The following ANK2 variants were observed in gnomAD, a reference collection of about 807,000 sequenced individuals.
The protein encoded by ANK2 is ankyrin 2.
ANK2 carries 83 observed loss-of-function variants against 360.5 expected under a neutral mutation model. The observed-to-expected ratio is 0.23, with a 90% CI of 0.19 to 0.28. ANK2 has a LOEUF of 0.28. Ranked by LOEUF, ANK2 falls within the 10% of genes least tolerant of loss-of-function variation. The pLI is 1.00. For synonymous variants in ANK2, 1,740 were observed against 1,759.5 expected (o/e 0.99, Z 0.28); for missense variants, 4,201 against 4,795.7 (o/e 0.88, Z 3.66).
intron 1 of ANK2, among the ~76,000 whole-genome samples, chr4:112,893,643 A>G (rs112703734): frequency 0.028 from 4,195 of 152,238 alleles, 188 homozygotes; most frequent in African/African-American, 0.092. Flanking sequence ...TGGTCTTGCA[A>G]GATTCTTCTC....
At chr4:113,240,604 TCA>T (rs1240135754) in intron 8 of ANK2, 21 bp downstream of exon 8, 1 of 1,562,242 alleles carries the variant, frequency 6.4e-7, no homozygotes, top group African/African-American at 1.4e-5. Flanking sequence ...AAATAGTTTC[TCA>T]TTCTAGATAG....
intron 1 of ANK2, among the ~76,000 whole-genome samples, chr4:113,064,388 G>A (rs1194794117): frequency 3.3e-5 from 5 of 152,126 alleles, no homozygotes; most frequent in Admixed American, 3.3e-4. Context: ...CCATACGCAG[G>A]TGCCAATTGT....
chr4:112,725,449 CTCCCGGGTTCACGCGAT>C, the ANK2 span, among the ~76,000 whole-genome samples: 1 of 146,856 alleles, frequency 6.8e-6, no homozygotes, highest in South Asian at 2.3e-4. Flanking sequence ...CAACCTCTGC[CTCCCGGGTTCACGCGAT>C]TCTCCTGCCT....
chr4:112,910,790 A>G (rs925345021), intron 2 of ANK2, among the ~76,000 whole-genome samples: 1 of 152,234 alleles, frequency 6.6e-6, no homozygotes, highest in African/African-American at 2.4e-5. Context: ...ACAACTATTA[A>G]GAGATTTTAG....
chr4:113,140,223 G>T (rs1396304658), intron 1 of ANK2, among the ~76,000 whole-genome samples: 1 of 152,166 alleles, frequency 6.6e-6, no homozygotes, highest in Admixed American at 6.6e-5. Flanking sequence ...AGGAGAACTT[G>T]TCCTTGGATT....
intron 1 of ANK2, among the ~76,000 whole-genome samples, chr4:113,077,534 A>ACAT (rs1299840792): frequency 1.3e-5 from 2 of 152,234 alleles, no homozygotes; most frequent in African/African-American, 4.8e-5. Flanking sequence ...AACCTTTTTA[A>ACAT]CATTGCTTCA....
chr4:113,183,514 A>G (rs2098456653), intron 2 of ANK2, among the ~76,000 whole-genome samples: 1 of 152,172 alleles, frequency 6.6e-6, no homozygotes, highest in Admixed American at 6.5e-5. Context: ...TAAGGTAATG[A>G]ATAAAATAAC....
the ANK2 span, among the ~76,000 whole-genome samples, chr4:112,809,424 G>T: frequency 3.3e-5 from 5 of 151,628 alleles, no homozygotes; most frequent in Middle Eastern, 0.01. Flanking sequence ...AGCCGGGCAT[G>T]GTGGCAGGTG....
At chr4:113,367,925 G>A in intron 42 of ANK2, 74 bp downstream of exon 42, 2 of 1,554,000 alleles carry the variant, frequency 1.3e-6, no homozygotes, top group South Asian at 1.1e-5. Context: ...GCATATATAA[G>A]CATAACTAGT....
chr4:112,976,023 G>C (rs535415990), intron 2 of ANK2, among the ~76,000 whole-genome samples: 1 of 152,006 alleles, frequency 6.6e-6, no homozygotes, highest in South Asian at 2.1e-4. Flanking sequence ...AATTGAATAT[G>C]CTCACACATG....
intron 2 of ANK2, among the ~76,000 whole-genome samples, chr4:112,986,616 A>G (rs970172294): frequency 2.0e-5 from 3 of 152,206 alleles, no homozygotes; most frequent in Non-Finnish European, 2.9e-5. Context: ...TGCCTTTTAC[A>G]CTGTATAACT....
chr4:113,250,719 G>T lies in ANK2; in HGVS notation c.990+857G>T, dbSNP rs533821508. 2.3e-5 allele frequency among the ~76,000 whole-genome samples: 3 copies of T among 129,524 alleles called. No individual in the cohort carries two copies. The South Asian group carries it at 7.8e-4, about 34-fold the overall frequency. 85.0% of individuals were successfully genotyped at this position (129,524 alleles called of 152,430 possible). On this transcript the variant is annotated intron_variant, in intron 10 of 45. Transcript: ENST00000357077. Reference sequence around the variant, plus strand: ...CAAAGTTAGACAAAGGGCAGTTGTTGTATTTTCTCCCTATTCCATTCCACC... The same window carrying T: ...CAAAGTTAGACAAAGGGCAGTTGTTTTATTTTCTCCCTATTCCATTCCACC...
chr4:112,891,388 A>G (rs1000729386), intron 1 of ANK2, among the ~76,000 whole-genome samples: 3 of 152,160 alleles, frequency 2.0e-5, no homozygotes, highest in African/African-American at 7.2e-5. Context: ...TTTATTGGAG[A>G]CAGGGTGACA....
chr4:112,924,837 CTTTT>C (rs199974647), intron 2 of ANK2, among the ~76,000 whole-genome samples: 15 of 131,972 alleles, frequency 1.1e-4, no homozygotes, highest in African/African-American at 4.0e-4. Flanking sequence ...ATATTTATTA[CTTTT>C]TTTTTTTTTT....
At chr4:112,865,166 A>G (rs984084402) in intron 1 of ANK2, among the ~76,000 whole-genome samples, 1 of 151,140 alleles carries the variant, frequency 6.6e-6, no homozygotes, top group Non-Finnish European at 1.5e-5. Flanking sequence ...TGAGCACTTC[A>G]TCTGCTGTCA....
chr4:113,073,411 G>T (rs1455599353), intron 1 of ANK2, among the ~76,000 whole-genome samples: 1 of 152,122 alleles, frequency 6.6e-6, no homozygotes, highest in Non-Finnish European at 1.5e-5. Flanking sequence ...AAGAACACTA[G>T]AATAGAGAAT....
chr4:113,169,842 T>C (rs528738638), intron 1 of ANK2, among the ~76,000 whole-genome samples: 1 of 152,274 alleles, frequency 6.6e-6, no homozygotes, highest in East Asian at 1.9e-4. Flanking sequence ...GTAAAACTTA[T>C]GTAAGTTTTA....
intron 2 of ANK2, among the ~76,000 whole-genome samples, chr4:112,978,328 T>G (rs1412263666): frequency 1.3e-5 from 2 of 152,234 alleles, no homozygotes; most frequent in African/African-American, 4.8e-5. Context: ...TTGTTCCACT[T>G]TTTTGTATCA....
Position 113,358,777 on chromosome 4 carries a change from A to G in ANK2, c.10159A>G (p.Arg3387Gly). 1 of 1,614,114 alleles carries G rather than the reference A, an allele frequency of 6.2e-7. No homozygotes were observed. The part of the protein sequence containing the change: ...QDMASIAPDN[R>G]SKSESDASSL... Reference sequence around the variant, plus strand: ...CATGGCAAGCATCGCACCAGATAATAGAAGCAAATCTGAATCTGATGCTAG... The same window carrying G: ...CATGGCAAGCATCGCACCAGATAATGGAAGCAAATCTGAATCTGATGCTAG... The change falls in exon 38 of 46, where the codon AGA becomes GGA. Residue 3387 changes from arginine (R) to glycine (G), a missense_variant. Physicochemically the swap from Arg to Gly is moderately radical, Grantham distance 125. Coordinates refer to ENST00000357077, the MANE Select transcript of ANK2 (RefSeq NM_001148.6).
Sources: gnomAD v4.1 joint callset for allele counts (sites outside exome capture counted in the v4.1 genomes callset) on GRCh38, gnomAD v4.1.1 for gene constraint, MANE v1.5 for transcripts, NCBI Gene and HGNC (gene_info 2026-07-23, HGNC 2026-07-21) for gene names.